The following CACNB2 variants were observed in gnomAD, a reference collection of about 807,000 sequenced individuals.
The protein encoded by CACNB2 is calcium voltage-gated channel auxiliary subunit beta 2.
CACNB2 carries 42 observed loss-of-function variants against 73.3 expected under a neutral mutation model. That is an observed-to-expected ratio of 0.57 (90% CI 0.45 to 0.74). The LOEUF (loss-of-function observed/expected upper bound fraction) is 0.74, where lower values mean the gene tolerates loss of function less well. Ranked by LOEUF, CACNB2 falls within the 30% of genes least tolerant of loss-of-function variation. The pLI is 0.00. For missense variants in CACNB2, 940 were observed against 853.0 expected, an observed-to-expected ratio of 1.10 and a Z score of -1.27; for synonymous variants, 348 against 310.3, an observed-to-expected ratio of 1.12 and a Z score of -1.28.
intron 3 of CACNB2, among the ~76,000 whole-genome samples, chr10:18,406,863 G>A (rs2044316154): frequency 6.6e-6 from 1 of 152,056 alleles, no homozygotes; most frequent in Non-Finnish European, 1.5e-5. Flanking sequence ...AGTACAAAGA[G>A]GGAAGTAAAG....
chr10:18,258,594 C>T (rs1464034721), intron 2 of CACNB2, among the ~76,000 whole-genome samples: 5 of 151,992 alleles, frequency 3.3e-5, no homozygotes, highest in Admixed American at 6.6e-5. Context: ...AGGCTGGTAG[C>T]GGGCACCTGT....
chr10:18,530,214 G>A (rs541434276), intron 10 of CACNB2, among the ~76,000 whole-genome samples: 71 of 152,256 alleles, frequency 4.7e-4, no homozygotes, highest in Non-Finnish European at 1.3e-4. Context: ...TATTCTTAAG[G>A]TGGTAGGAGA....
At chr10:18,394,996 G>A (rs917021821) in intron 2 of CACNB2, among the ~76,000 whole-genome samples, 20 of 152,236 alleles carry the variant, frequency 1.3e-4, no homozygotes, top group Admixed American at 1.2e-3. Flanking sequence ...CCGAATTAAG[G>A]AACTCACACA....
Position 18,150,878 on chromosome 10 carries a change from T to TTTTTTG in CACNB2, c.121-3_121-2insTTTGTT. The TTTTTTG allele has an allele frequency of 7.5e-7, 1 of 1,338,984 alleles. No homozygotes were observed. The highest frequency in any genetic ancestry group is 1.0e-6 in the Non-Finnish European group (1 of 972,818). The allele number at this position is 1,338,984 out of a possible 1,614,324, so 82.9% of individuals were successfully genotyped here. A position where few individuals can be genotyped will look rare whatever the true frequency, so the allele number is the denominator to read the frequency against. ...GTCTTTTTTTTTTTTTTTTTTTTTT[T>TTTTTTG]TTAGTCATATGGAAAAGGAGCCAGA... On this transcript the variant is annotated splice_polypyrimidine_tract_variant and splice_region_variant and intron_variant, in intron 1 of 13. Coordinates refer to ENST00000324631, the MANE Select transcript of CACNB2 (RefSeq NM_201596.3).
At chr10:18,169,426 C>A (rs1372636407) in intron 2 of CACNB2, among the ~76,000 whole-genome samples, 4 of 152,052 alleles carry the variant, frequency 2.6e-5, no homozygotes, top group Non-Finnish European at 5.9e-5. Flanking sequence ...TTGAAAATAA[C>A]CCAGAAAATA....
intron 2 of CACNB2, among the ~76,000 whole-genome samples, chr10:18,242,711 G>A (rs891034109): frequency 1.8e-4 from 28 of 151,798 alleles, no homozygotes; most frequent in African/African-American, 4.1e-4. Flanking sequence ...TTGGCCGGGC[G>A]CAGTGGCTCA....
chr10:18,224,495 C>T (rs1020007261), intron 2 of CACNB2, among the ~76,000 whole-genome samples: 2 of 152,140 alleles, frequency 1.3e-5, no homozygotes, highest in Admixed American at 6.5e-5. Flanking sequence ...CTACTTTATA[C>T]TTTCCAAAGA....
At chr10:18,220,154 T>TATACAC (rs2035688988) in intron 2 of CACNB2, among the ~76,000 whole-genome samples, 1 of 33,636 alleles carries the variant, frequency 3.0e-5, no homozygotes, top group Non-Finnish European at 6.5e-5. Context: ...TATATATATA[T>TATACAC]ACACACACAC....
At chr10:18,325,886 A>G (rs1007713661) in intron 2 of CACNB2, among the ~76,000 whole-genome samples, 1 of 151,894 alleles carries the variant, frequency 6.6e-6, no homozygotes, top group African/African-American at 2.4e-5. Context: ...CTGGGACCAG[A>G]GGCGCACACC....
At chr10:18,511,359 A>C (rs980038975) in intron 6 of CACNB2, among the ~76,000 whole-genome samples, 4 of 152,234 alleles carry the variant, frequency 2.6e-5, no homozygotes, top group Non-Finnish European at 5.9e-5. Context: ...AGGAATAATT[A>C]AATAAGAGAG....
chr10:18,312,521 A>G (rs962705523), intron 2 of CACNB2, among the ~76,000 whole-genome samples: 3 of 152,184 alleles, frequency 2.0e-5, no homozygotes, highest in African/African-American at 7.2e-5. Flanking sequence ...ATCCTTGTCG[A>G]TGACTATAAG....
intron 2 of CACNB2, among the ~76,000 whole-genome samples, chr10:18,341,739 G>T (rs1326510659): frequency 2.0e-5 from 3 of 151,994 alleles, no homozygotes; most frequent in Non-Finnish European, 4.4e-5. Flanking sequence ...TACTTCTTTT[G>T]TTTCTAATTG....
chr10:18,357,390 C>T (rs1218965277), intron 2 of CACNB2, among the ~76,000 whole-genome samples: 1 of 152,128 alleles, frequency 6.6e-6, no homozygotes, highest in Non-Finnish European at 1.5e-5. Context: ...TTAATTTATT[C>T]TCTGGTAATG....
intron 2 of CACNB2, among the ~76,000 whole-genome samples, chr10:18,160,442 C>T (rs1451765998): frequency 6.6e-6 from 1 of 152,062 alleles, no homozygotes; most frequent in African/African-American, 2.4e-5. Flanking sequence ...TCATTTTCTT[C>T]CATTTTTATT....
intron 11 of CACNB2, 102 bp from the exon 12 acceptor site, chr10:18,535,999 G>C (rs571689654): frequency 9.7e-6 from 7 of 718,974 alleles, no homozygotes; most frequent in Non-Finnish European, 1.8e-5. Context: ...TAAGCCCCTT[G>C]TGCTGTATAT....
rs1314215702 is a variant in CACNB2 at position 18,539,839 on chromosome 10, A to T, written c.*115A>T. 1 of 1,094,070 alleles carries T rather than the reference A, an allele frequency of 9.1e-7. No homozygotes were observed. The highest frequency in any genetic ancestry group is 1.6e-5 in the African/African-American group (1 of 63,234). The allele number at this position is 1,094,070 out of a possible 1,614,324, so 67.8% of individuals were successfully genotyped here. A position where few individuals can be genotyped will look rare whatever the true frequency, so the allele number is the denominator to read the frequency against. On this transcript the variant is annotated 3_prime_UTR_variant, in exon 14 of 14. Coordinates refer to ENST00000324631, the MANE Select transcript of CACNB2 (RefSeq NM_201596.3). ...GCAATCATATGTGATCTGTCTTGTA[A>T]TATTTTGTATTATTGCTGTTGCTTG...
At chr10:18,141,535 T>A (rs2030402385) in intron 1 of CACNB2, among the ~76,000 whole-genome samples, 1 of 152,236 alleles carries the variant, frequency 6.6e-6, no homozygotes, top group African/African-American at 2.4e-5. Context: ...CCTGAAATGT[T>A]AGCCATTTCA....
intron 3 of CACNB2, among the ~76,000 whole-genome samples, chr10:18,447,235 C>A (rs2046780194): frequency 2.6e-5 from 4 of 152,016 alleles, no homozygotes; most frequent in African/African-American, 7.3e-5. Context: ...GTTGACATCA[C>A]CTTATCTTGT....
At chr10:18,359,201 C>T (rs1410475528) in intron 2 of CACNB2, among the ~76,000 whole-genome samples, 4 of 151,972 alleles carry the variant, frequency 2.6e-5, no homozygotes, top group Admixed American at 2.0e-4. Context: ...GAGAAGCCTA[C>T]CCCCACAAAA....
Sources: gnomAD v4.1 joint callset for allele counts (sites outside exome capture counted in the v4.1 genomes callset) on GRCh38, gnomAD v4.1.1 for gene constraint, MANE v1.5 for transcripts, NCBI Gene and HGNC (gene_info 2026-07-23, HGNC 2026-07-21) for gene names.